Variants in WNT7B observed in about 807,000 individuals in gnomAD.
WNT7B encodes protein Wnt-7b.
A neutral mutation model predicts 38.2 loss-of-function variants in WNT7B; 19 were observed. That is an observed-to-expected ratio of 0.50 (90% confidence interval 0.35 to 0.73). The LOEUF is 0.73. Ranked by LOEUF, WNT7B falls within the 30% of genes least tolerant of loss-of-function variation. WNT7B has a pLI of 0.01. For missense variants in WNT7B, 423 were observed against 507.9 expected, an observed-to-expected ratio of 0.83 and a Z score of 1.61; for synonymous variants, 243 against 209.3, an observed-to-expected ratio of 1.16 and a Z score of -1.39.
chr22:45,924,545 C>T (rs929218619), intron 3 of WNT7B, among the ~76,000 whole-genome samples: 2 of 152,206 alleles, frequency 1.3e-5, no homozygotes, highest in East Asian at 1.9e-4. Flanking sequence ...AGTCGGAGCT[C>T]GTTAGACAAA....
intron 2 of WNT7B, among the ~76,000 whole-genome samples, chr22:45,935,171 C>T (rs1931483542): frequency 6.6e-6 from 1 of 152,218 alleles, no homozygotes; most frequent in African/African-American, 2.4e-5. Context: ...ATCCTTCCTC[C>T]AGGCTGACAG....
chr22:45,930,238 T>C (rs1441435301), intron 3 of WNT7B, among the ~76,000 whole-genome samples: 1 of 152,236 alleles, frequency 6.6e-6, no homozygotes, highest in Non-Finnish European at 1.5e-5. Context: ...GCCTAGCACC[T>C]GGCACAGAAA....
intron 1 of WNT7B, among the ~76,000 whole-genome samples, chr22:45,953,560 C>G (rs760996193): frequency 6.6e-6 from 1 of 152,054 alleles, no homozygotes; most frequent in East Asian, 1.9e-4. Context: ...GACAAACAAC[C>G]CAGTGTTACA....
At chr22:45,962,148 A>G (rs1352810376) in intron 1 of WNT7B, among the ~76,000 whole-genome samples, 2 of 136,578 alleles carry the variant, frequency 1.5e-5, no homozygotes, top group African/African-American at 5.5e-5. Flanking sequence ...ACCGCCTGGG[A>G]AAAAGCTGGT....
chr22:45,946,529 C>T (rs554627279), intron 2 of WNT7B, among the ~76,000 whole-genome samples: 104 of 152,322 alleles, frequency 6.8e-4, no homozygotes, highest in Middle Eastern at 3.4e-3. Flanking sequence ...ACAGTCACCT[C>T]TAAGCTCATT....
At chr22:45,957,788 CG>C (rs1417605635) in intron 1 of WNT7B, among the ~76,000 whole-genome samples, 2 of 151,726 alleles carry the variant, frequency 1.3e-5, no homozygotes, top group Non-Finnish European at 2.9e-5. Context: ...CTAGCCCGCA[CG>C]GGGGGTGCTA....
chr22:45,959,390 A>T (rs1037665420), intron 1 of WNT7B, among the ~76,000 whole-genome samples: 3 of 152,114 alleles, frequency 2.0e-5, no homozygotes, highest in African/African-American at 7.2e-5. Context: ...AAACTGGGGG[A>T]TGGGGTGGTG....
intron 1 of WNT7B, among the ~76,000 whole-genome samples, chr22:45,967,057 C>T (rs528348688): frequency 1.1e-4 from 17 of 152,262 alleles, no homozygotes; most frequent in African/African-American, 3.6e-4. Flanking sequence ...GGGGGAGGGG[C>T]CCCAGGCAGG....
chr22:45,924,275 G>A (rs868387653), intron 3 of WNT7B, among the ~76,000 whole-genome samples: 10 of 152,312 alleles, frequency 6.6e-5, no homozygotes, highest in African/African-American at 2.4e-4. Flanking sequence ...CCTGCTGTTG[G>A]CCCCCAGCTC....
chr22:45,946,153 C>G (rs771022708), intron 2 of WNT7B, among the ~76,000 whole-genome samples: 3 of 152,158 alleles, frequency 2.0e-5, no homozygotes, highest in Non-Finnish European at 4.4e-5. Context: ...GCCTTCTGGA[C>G]CCTCCAGAGC....
At chr22:45,946,347 G>A (rs1931795636) in intron 2 of WNT7B, among the ~76,000 whole-genome samples, 1 of 152,162 alleles carries the variant, frequency 6.6e-6, no homozygotes, top group South Asian at 2.1e-4. Flanking sequence ...CCCCCTCCGG[G>A]AAGCCCTTGC....
chr22:45,929,059 G>A (rs1931197299), intron 3 of WNT7B, among the ~76,000 whole-genome samples: 1 of 152,204 alleles, frequency 6.6e-6, no homozygotes, highest in African/African-American at 2.4e-5. Context: ...GGGAGAGTGA[G>A]AGTTTCTTCC....
Position 45,950,647 on chromosome 22 carries a change from C to T in WNT7B, c.72-501G>A, listed in dbSNP as rs566577372. 7.9e-5 allele frequency among the ~76,000 whole-genome samples: 12 copies of T among 152,346 alleles called. No individual in the cohort carries two copies. The South Asian group carries it at 2.5e-3, about 32-fold the overall frequency. On this transcript the variant is annotated intron_variant, in intron 1 of 3. Transcript: ENST00000339464. ...CTGCTGAAAAGGCCGGCAGCCAAGC[C>T]CATCCGGTACTGACTCCAGCTCCGA... is the stretch of plus-strand genomic sequence containing the variant.
chr22:45,964,035 A>G (rs1932255933), intron 1 of WNT7B, among the ~76,000 whole-genome samples: 1 of 152,024 alleles, frequency 6.6e-6, no homozygotes, highest in Admixed American at 6.5e-5. Flanking sequence ...CCCATGTGCA[A>G]TCTGCAGCCC....
At chr22:45,958,758 C>T (rs1205425999) in intron 1 of WNT7B, among the ~76,000 whole-genome samples, 5 of 152,168 alleles carry the variant, frequency 3.3e-5, no homozygotes, top group African/African-American at 9.7e-5. Context: ...TGGGACATAC[C>T]CCATTCCTGA....
At chr22:45,932,429 G>A (rs1347852262) in intron 2 of WNT7B, among the ~76,000 whole-genome samples, 1 of 146,162 alleles carries the variant, frequency 6.8e-6, no homozygotes, top group Admixed American at 6.8e-5. Flanking sequence ...CCCCCCGCCA[G>A]AAGGGAGCAC....
intron 2 of WNT7B, among the ~76,000 whole-genome samples, chr22:45,933,748 C>CTG (rs1395722919): frequency 1.3e-5 from 2 of 152,048 alleles, no homozygotes; most frequent in Non-Finnish European, 2.9e-5. Flanking sequence ...GATTCGCTTG[C>CTG]TGTGTGTGTG....
intron 3 of WNT7B, among the ~76,000 whole-genome samples, chr22:45,929,593 C>CTACTT: frequency 6.9e-6 from 1 of 144,860 alleles, no homozygotes; most frequent in African/African-American, 2.5e-5. Flanking sequence ...TCCATCCATT[C>CTACTT]ATGCATCCAT....
At chr22:45,957,833 G>A (rs566258348) in intron 1 of WNT7B, among the ~76,000 whole-genome samples, 33 of 152,148 alleles carry the variant, frequency 2.2e-4, no homozygotes, top group Non-Finnish European at 4.4e-4. Flanking sequence ...TGGGGCTGCT[G>A]GGCTGGGCCA....
Sources: gnomAD v4.1 joint callset for allele counts (sites outside exome capture counted in the v4.1 genomes callset) on GRCh38, gnomAD v4.1.1 for gene constraint, MANE v1.5 for transcripts, NCBI Gene and HGNC (gene_info 2026-07-23, HGNC 2026-07-21) for gene names.